ZFYVE26: variants seen among roughly 807,000 people sequenced by gnomAD.
The protein encoded by ZFYVE26 is zinc finger FYVE-type containing 26.
In ZFYVE26, 181 loss-of-function variants were observed where a neutral mutation model predicts 276.5. That is an observed-to-expected ratio of 0.65 (90% CI 0.58 to 0.74). The LOEUF is 0.74. Among genes scored for constraint, ZFYVE26 ranks in the 30% least tolerant of loss-of-function variants. The pLI, the probability that ZFYVE26 is intolerant of heterozygous loss-of-function variation, is 0.00. For synonymous variants in ZFYVE26, 1,129 were observed against 1,203.1 expected, an observed-to-expected ratio of 0.94 and a Z score of 1.27; for missense variants, 2,821 against 3,097.9, an observed-to-expected ratio of 0.91 and a Z score of 2.12.
chr14:67,743,426 G>A (rs1437228790), downstream of ZFYVE26, among the ~76,000 whole-genome samples: 1 of 151,960 alleles, frequency 6.6e-6, no homozygotes, highest in Non-Finnish European at 1.5e-5. Flanking sequence ...AGGAGGCAGA[G>A]GTTGCAGTGA....
rs985076586 is a variant in ZFYVE26, at chr14:67,771,983, C to A, written c.5484+64G>T. Reference sequence around the variant, plus strand: ...GACAGGCGGTGATTGTAAACTCAGGCTCATGAACTAGAATTCTCCTTTACC... The same window carrying A: ...GACAGGCGGTGATTGTAAACTCAGGATCATGAACTAGAATTCTCCTTTACC... On this transcript the variant is annotated intron_variant, in intron 28 of 41. Transcript: ENST00000347230. 8 of 1,579,346 alleles carry A rather than the reference C, an allele frequency of 5.1e-6. No homozygotes were observed. In the African/African-American group the frequency reaches 6.7e-5, roughly 13 times the overall value.
rs369952104 is a variant in ZFYVE26, at chr14:67,772,128, C to G, written c.5403G>C (p.Ala1801=). 149 of 1,612,758 alleles carry G rather than the reference C, an allele frequency of 9.2e-5. No homozygotes were observed. Among genetic ancestry groups the G allele is most frequent in the Non-Finnish European group, 1.2e-4 (139 of 1,179,718 alleles). The change falls in exon 28 of 42, where the codon GCG becomes GCC. Residue 1801 remains alanine (A), a synonymous_variant. Coordinates refer to ENST00000347230, the MANE Select transcript of ZFYVE26 (RefSeq NM_015346.4). ...TQPSQEFVPP[A]TPPARHQWVP... ...CCCACTGGTGCCTGGCAGGGGGTGT[C>G]GCTGGGGGCACAAATTCCTGTGAGG...
chr14:67,809,783 T>C (rs993853331), intron 3 of ZFYVE26, among the ~76,000 whole-genome samples: 14 of 2,828 alleles, frequency 5.0e-3, no homozygotes, highest in African/African-American at 5.0e-3. Flanking sequence ...TTCTTTTCTC[T>C]TTTTTTTTTT....
rs71421388 is a variant in ZFYVE26 at position 67,766,023 on chromosome 14, G to A, written c.6011+204C>T. 0.11 allele frequency among the ~76,000 whole-genome samples: 16,908 copies of A among 152,144 alleles called. 1,050 individuals are homozygous for A. Among genetic ancestry groups the A allele is most frequent in the Middle Eastern group, 0.22 (64 of 294 alleles). On this transcript the variant is annotated intron_variant, in intron 32 of 41. Transcript: ENST00000347230. Reference sequence around the variant, plus strand: ...TGCTTTGAGGGTCTGCTCTGAAAAAGAAAAGGACACAGGGTGTCAGGTAGG... The same window carrying A: ...TGCTTTGAGGGTCTGCTCTGAAAAAAAAAAGGACACAGGGTGTCAGGTAGG...
intron 34 of ZFYVE26, 187 bp from the exon 35 acceptor site, chr14:67,761,771 CAAATAAAG>C (rs1294240695): frequency 2.0e-5 from 12 of 613,702 alleles, no homozygotes; most frequent in Middle Eastern, 4.3e-4. Flanking sequence ...AATAAAAAAA[CAAATAAAG>C]AAAGAATATT....
Position 67,797,692 on chromosome 14 carries a change from C to A in ZFYVE26, c.2312G>T (p.Arg771Leu). The A allele has an allele frequency of 6.2e-7, 1 of 1,614,112 alleles. No individual in the cohort carries two copies. Among genetic ancestry groups the A allele is most frequent in the Non-Finnish European group, 8.5e-7 (1 of 1,180,014 alleles). The change falls in exon 12 of 42, where the codon CGG (arginine) becomes CTG (leucine). Residue 771 changes from arginine (R) to leucine (L), a missense_variant. By Grantham distance (102) the Arg-to-Leu change is moderately radical. Transcript: ENST00000347230. ...ATTACCTGCCTGGCTCCTTCTTGTC[C>A]GACGACCCCGGCGGAGACTGGGGTG... is the stretch of plus-strand genomic sequence containing the variant. Reference protein sequence around the residue: ...TRHPSLRRGRRTRRSQADGRD... With the variant: ...TRHPSLRRGRLTRRSQADGRD...
intron 32 of ZFYVE26, among the ~76,000 whole-genome samples, chr14:67,763,084 T>A (rs1594893104): frequency 6.6e-6 from 1 of 152,308 alleles, no homozygotes; most frequent in Non-Finnish European, 1.5e-5. Flanking sequence ...TGTATTTTTT[T>A]AATAGAGACA....
In ZFYVE26 at chr14:67,767,780, G is replaced by C. The variant is rs117250367; in HGVS notation, c.5714C>G (p.Ala1905Gly). 1.9e-4 allele frequency: 304 copies of C among 1,614,108 alleles called. No individual in the cohort carries two copies. Among genetic ancestry groups the C allele is most frequent in the Non-Finnish European group, 2.4e-4 (285 of 1,180,030 alleles). The change falls in exon 31 of 42, where the codon GCA becomes GGA. Residue 1905 changes from alanine (A) to glycine (G), a missense_variant. Coordinates refer to ENST00000347230, the MANE Select transcript of ZFYVE26 (RefSeq NM_015346.4). Reference protein sequence around the residue: ...PYSFVVRVPKADEVEWILDLK... With the variant: ...PYSFVVRVPKGDEVEWILDLK... ...ATCCAAAATCCATTCCACCTCATCT[G>C]CTTTGGGGACTCTCACCACAAACGA...
intron 22 of ZFYVE26, 45 bp downstream of exon 22, chr14:67,781,288 A>G: frequency 1.2e-5 from 20 of 1,604,784 alleles, no homozygotes; most frequent in Non-Finnish European, 1.6e-5. Context: ...GGTTGATCAT[A>G]GAGTGAGAAG....
chr14:67,802,191 A>G lies in ZFYVE26; in HGVS notation c.1527T>C (p.Tyr509=). 1 of 1,614,234 alleles carries G rather than the reference A, an allele frequency of 6.2e-7. No individual in the cohort carries two copies. Among genetic ancestry groups the G allele is most frequent in the Non-Finnish European group, 8.5e-7 (1 of 1,180,042 alleles). ...GCTGGTGTGAGTTTACACAGAGGGC[A>G]TAGATGGCATACTTCATGGCACAGA... ...QGFCAMKYAI[Y]ALCVNSHQHS... The change falls in exon 10 of 42, where the codon TAT becomes TAC. Residue 509 remains tyrosine, a synonymous_variant. Coordinates refer to ENST00000347230, the MANE Select transcript of ZFYVE26 (RefSeq NM_015346.4).
At position 67,784,327 on chromosome 14, in the gene ZFYVE26, C is replaced by T. The variant is rs1185839008; in HGVS notation, c.3626+7G>A. ...CCATGGCTGACTTGCATGGAGGTGG[C>T]TCCTACCTCTCTGGGGGAACTTGTC... On this transcript the variant is annotated splice_region_variant and intron_variant, in intron 20 of 41. Transcript: ENST00000347230. 6.8e-6 allele frequency: 11 copies of T among 1,613,164 alleles called. No homozygotes were observed. Among genetic ancestry groups the T allele is most frequent in the Non-Finnish European group, 7.6e-6 (9 of 1,179,156 alleles).
In ZFYVE26 at chr14:67,815,813, C is replaced by T; in HGVS notation, c.151G>A (p.Glu51Lys). 1 of 1,613,940 alleles carries T rather than the reference C, an allele frequency of 6.2e-7. No individual in the cohort carries two copies. The highest frequency in any genetic ancestry group is 1.1e-5 in the South Asian group (1 of 91,068). ...ACCACCAATGCCTGAAGTATGTCTT[C>T]TACCCTCTTTGGGATATCCCCTTGT... ...EGQGDIPKRV[E>K]DILQALVVCP... The change falls in exon 2 of 42, where the codon GAA becomes AAA. Residue 51 changes from glutamate (E) to lysine (K), a missense_variant. By Grantham distance (56) the Glu-to-Lys change is moderately conservative. Transcript: ENST00000347230.
At chr14:67,729,452 T>A in exon 14 of ZFYVE26, 1 of 1,467,482 alleles carries the variant, frequency 6.8e-7, no homozygotes, top group Non-Finnish European at 9.4e-7. Context: ...GGGCTGTTCA[T>A]CCTGAGAAGC....
chr14:67,803,280 A>G (rs890437127), intron 9 of ZFYVE26, among the ~76,000 whole-genome samples: 1 of 152,166 alleles, frequency 6.6e-6, no homozygotes, highest in Non-Finnish European at 1.5e-5. Flanking sequence ...GAGCTTTTTA[A>G]TGGGGTCTTG....
chr14:67,798,976 G>C (rs1473906108), intron 10 of ZFYVE26: 1 of 1,133,104 alleles, frequency 8.8e-7, no homozygotes, highest in Non-Finnish European at 1.3e-6. Flanking sequence ...GGGAGGGGCG[G>C]GGGTGATTTA....
intron 35 of ZFYVE26, among the ~76,000 whole-genome samples, chr14:67,757,780 T>C (rs1317624869): frequency 6.6e-6 from 1 of 152,050 alleles, no homozygotes; most frequent in Non-Finnish European, 1.5e-5. Context: ...AGTGGCGCAA[T>C]CTCAGCTCAC....
intron 21 of ZFYVE26, among the ~76,000 whole-genome samples, chr14:67,781,860 T>C (rs780622798): frequency 2.0e-5 from 3 of 152,182 alleles, no homozygotes; most frequent in East Asian, 1.9e-4. Flanking sequence ...GCTGAACATA[T>C]AGGACTGTTT....
rs928673412 is a variant in ZFYVE26, at chr14:67,798,159, G to T, written c.2103C>A (p.Ser701Arg). Reference protein sequence around the residue: ...LLQEQLDEISSRSPPEKPKQE... With the variant: ...LLQEQLDEISRRSPPEKPKQE... ...GCTTTGGCTTCTCAGGAGGGCTGCG[G>T]CTACTGATCTCATCCAGTTGCTCTT... is the stretch of plus-strand genomic sequence containing the variant. The change falls in exon 11 of 42, where the codon AGC becomes AGA. Residue 701 changes from serine (S) to arginine (R), a missense_variant. Transcript: ENST00000347230. 1.2e-6 allele frequency: 2 copies of T among 1,614,130 alleles called. No individual in the cohort carries two copies. The highest frequency in any genetic ancestry group is 1.7e-6 in the Non-Finnish European group (2 of 1,180,014).
intron 4 of ZFYVE26, among the ~76,000 whole-genome samples, chr14:67,808,534 CCT>C (rs2040230952): frequency 6.6e-6 from 1 of 151,910 alleles, no homozygotes; most frequent in African/African-American, 2.4e-5. Flanking sequence ...TAGAGCCTAT[CCT>C]CTGTTTGCAG....
Sources: gnomAD v4.1 joint callset for allele counts (sites outside exome capture counted in the v4.1 genomes callset) on GRCh38, gnomAD v4.1.1 for gene constraint, MANE v1.5 for transcripts, NCBI Gene and HGNC (gene_info 2026-07-23, HGNC 2026-07-21) for gene names.